Variants in PRRX1 observed in about 807,000 individuals in gnomAD.
PRRX1 encodes paired mesoderm homeobox protein 1.
PRRX1 carries 8 observed loss-of-function variants against 24.0 expected under a neutral mutation model. The ratio of observed to expected loss-of-function variants is 0.33; its 90% CI spans 0.20 to 0.60. The LOEUF (loss-of-function observed/expected upper bound fraction) is 0.60, where lower values mean the gene tolerates loss of function less well. Among genes scored for constraint, PRRX1 ranks in the 20% least tolerant of loss-of-function variants. The pLI is 0.82. For missense variants in PRRX1, 281 were observed against 322.4 expected (o/e 0.87, Z 0.98); for synonymous variants, 160 against 131.7 (o/e 1.22, Z -1.47).
chr1:170,690,832 T>A (rs1190048051), intron 1 of PRRX1, among the ~76,000 whole-genome samples: 1 of 152,048 alleles, frequency 6.6e-6, no homozygotes, highest in Non-Finnish European at 1.5e-5. Context: ...GAGATGGATA[T>A]TTCAGAAAAT....
At chr1:170,669,445 A>AAAAAAAAC (rs1653067311) in intron 1 of PRRX1, 1 of 145,164 alleles carries the variant, frequency 6.9e-6, no homozygotes, top group African/African-American at 2.6e-5. Context: ...AAAAAAAAAA[A>AAAAAAAAC]AAAAAAAAAT....
chr1:170,663,485 T>C (rs1208470129), upstream of PRRX1: 1 of 152,038 alleles, frequency 6.6e-6, no homozygotes, highest in Admixed American at 6.6e-5. Context: ...TGAAGCCTTT[T>C]TTTTTTAATT....
upstream of PRRX1, chr1:170,664,088 C>CCTCTCTCTCTCTCTTTCTCT: frequency 1.5e-6 from 1 of 661,376 alleles, no homozygotes; most frequent in African/African-American, 2.5e-5. Flanking sequence ...CCTCTTCCTC[C>CCTCTCTCTCTCTCTTTCTCT]CTCTCTCTCT....
At chr1:170,663,034 TTCTCTCTTTCTCTCTCTC>T (rs1652776056), upstream of PRRX1, 1 of 151,880 alleles carries the variant, frequency 6.6e-6, no homozygotes, top group Non-Finnish European at 1.5e-5. Context: ...CTCATTTCTC[TTCTCTCTTTCTCTCTCTC>T]TCTCTCTCCC....
intron 1 of PRRX1, among the ~76,000 whole-genome samples, chr1:170,694,043 A>G (rs144318083): frequency 7.2e-5 from 11 of 152,200 alleles, no homozygotes; most frequent in African/African-American, 2.6e-4. Flanking sequence ...CCTGGAGGAA[A>G]GTTGTCGCCA....
intron 1 of PRRX1, among the ~76,000 whole-genome samples, chr1:170,698,393 C>T (rs781645767): frequency 2.0e-5 from 3 of 152,068 alleles, no homozygotes; most frequent in African/African-American, 2.4e-5. Context: ...AAAAACAAAG[C>T]GTCTCTTTAT....
chr1:170,681,745 T>G (rs1017985784), intron 1 of PRRX1, among the ~76,000 whole-genome samples: 6 of 152,126 alleles, frequency 3.9e-5, no homozygotes, highest in Admixed American at 6.5e-5. Flanking sequence ...AATAGAAATA[T>G]CTTCTTGACA....
chr1:170,672,759 C>T (rs866071043), intron 1 of PRRX1, among the ~76,000 whole-genome samples: 2 of 152,170 alleles, frequency 1.3e-5, no homozygotes, highest in African/African-American at 4.8e-5. Context: ...TACAGAGAAC[C>T]ACATTTTCTC....
At chr1:170,722,559 A>G (rs1218439599) in intron 2 of PRRX1, 2 of 152,192 alleles carry the variant, frequency 1.3e-5, no homozygotes, top group Non-Finnish European at 2.9e-5. Flanking sequence ...TGGAATGTAC[A>G]ATAATTAGTG....
intron 1 of PRRX1, among the ~76,000 whole-genome samples, chr1:170,692,624 A>C (rs1173828336): frequency 2.7e-5 from 4 of 150,696 alleles, no homozygotes; most frequent in Non-Finnish European, 4.4e-5. Context: ...GGAAGTAATC[A>C]TCTACAACAA....
intron 1 of PRRX1, among the ~76,000 whole-genome samples, chr1:170,682,969 A>G (rs1338113884): frequency 6.6e-6 from 1 of 152,152 alleles, no homozygotes; most frequent in Admixed American, 6.5e-5. Flanking sequence ...TAGCCAAGGA[A>G]CAGAAAGAAG....
chr1:170,689,290 T>A (rs2101896672), intron 1 of PRRX1, among the ~76,000 whole-genome samples: 1 of 152,308 alleles, frequency 6.6e-6, no homozygotes, highest in African/African-American at 2.4e-5. Context: ...CTGTGTACTG[T>A]TCTTAGAACA....
chr1:170,690,574 C>A (rs1653910217), intron 1 of PRRX1, among the ~76,000 whole-genome samples: 1 of 151,968 alleles, frequency 6.6e-6, no homozygotes, highest in South Asian at 2.1e-4. Flanking sequence ...ACATTACCAG[C>A]CTAGTTTTTG....
chr1:170,710,796 G>A (rs1654721539), intron 1 of PRRX1, among the ~76,000 whole-genome samples: 2 of 152,182 alleles, frequency 1.3e-5, no homozygotes, highest in South Asian at 4.1e-4. Context: ...ATAGTAAGAA[G>A]GCAGTTGTTT....
At chr1:170,666,579 C>G (rs1229028694) in intron 1 of PRRX1, among the ~76,000 whole-genome samples, 1 of 151,572 alleles carries the variant, frequency 6.6e-6, no homozygotes, top group East Asian at 2.0e-4. Flanking sequence ...CAACAGAAAA[C>G]AGGACCACGA....
chr1:170,687,925 A>G (rs1050852943), intron 1 of PRRX1, among the ~76,000 whole-genome samples: 1 of 152,164 alleles, frequency 6.6e-6, no homozygotes, highest in Non-Finnish European at 1.5e-5. Context: ...ACTCAATTCA[A>G]AAAGCTCTGT....
At chr1:170,682,413 G>A (rs1653581086) in intron 1 of PRRX1, among the ~76,000 whole-genome samples, 1 of 139,582 alleles carries the variant, frequency 7.2e-6, no homozygotes, top group African/African-American at 2.5e-5. Flanking sequence ...CCGTAAGGAA[G>A]ATAAACACAT....
intron 1 of PRRX1, among the ~76,000 whole-genome samples, chr1:170,712,771 G>T (rs1471743560): frequency 6.6e-6 from 1 of 152,232 alleles, no homozygotes. Flanking sequence ...CAGCTAGTCA[G>T]TGGCAGGATC....
chr1:170,673,658 A>C (rs1014839637), intron 1 of PRRX1, among the ~76,000 whole-genome samples: 1 of 152,194 alleles, frequency 6.6e-6, no homozygotes, highest in Admixed American at 6.5e-5. Flanking sequence ...CTTCGACCTC[A>C]AAATCAACAA....
Sources: allele counts gnomAD v4.1 joint callset (sites outside exome capture counted in the v4.1 genomes callset), GRCh38; gene constraint gnomAD v4.1.1; transcripts MANE v1.5; gene names NCBI Gene and HGNC (gene_info 2026-07-23, HGNC 2026-07-21).